Variants in TPR observed in about 807,000 individuals in gnomAD.
The protein encoded by TPR is translocated promoter region, nuclear basket protein, also known as nucleoprotein TPR.
A neutral mutation model predicts 316.1 loss-of-function variants in TPR; 51 were observed. The observed-to-expected ratio is 0.16, with a 90% CI of 0.13 to 0.20. The LOEUF (loss-of-function observed/expected upper bound fraction) is 0.20, where lower values mean the gene tolerates loss of function less well. Ranked by LOEUF, TPR falls within the 10% of genes least tolerant of loss-of-function variation. The pLI is 1.00. For missense variants in TPR, 2,272 were observed against 2,754.8 expected (o/e 0.82, Z 3.92); for synonymous variants, 981 against 914.7 (o/e 1.07, Z -1.31).
chr1:186,363,113 T>C (rs1240062514), intron 5 of TPR, 112 bp from the exon 6 acceptor site: 4 of 1,229,808 alleles, frequency 3.3e-6, no homozygotes, highest in Non-Finnish European at 4.4e-6. Flanking sequence ...AAACAGAAAT[T>C]AAGTATTTGC....
At chr1:186,371,776 T>C (rs1035068530) in intron 2 of TPR, among the ~76,000 whole-genome samples, 2 of 152,172 alleles carry the variant, frequency 1.3e-5, no homozygotes, top group African/African-American at 4.8e-5. Context: ...AAAATCCCCA[T>C]TAAATGTGTC....
intron 3 of TPR, among the ~76,000 whole-genome samples, chr1:186,368,315 T>G (rs903798041): frequency 1.3e-5 from 2 of 152,176 alleles, no homozygotes; most frequent in Non-Finnish European, 2.9e-5. Flanking sequence ...CTTAAAACTT[T>G]TAATATATTT....
intron 35 of TPR, 114 bp from the exon 36 acceptor site, chr1:186,334,647 T>G: frequency 1.8e-6 from 2 of 1,098,516 alleles, no homozygotes; most frequent in Non-Finnish European, 2.6e-6. Flanking sequence ...TTCAGAGCCT[T>G]ATTAAAGCTG....
intron 31 of TPR, 107 bp from the exon 32 acceptor site, chr1:186,337,263 C>G (rs1658367465): frequency 7.4e-7 from 1 of 1,344,570 alleles, no homozygotes; most frequent in African/African-American, 1.5e-5. Flanking sequence ...AAATTTTATC[C>G]CTGAAGGTAT....
chr1:186,346,169 T>C lies in TPR; in HGVS notation c.3062A>G (p.Asp1021Gly). The change falls in exon 23 of 51, where the codon GAT (aspartate) becomes GGT (glycine). Residue 1021 changes from aspartate (D) to glycine (G), a missense_variant. This residue lies in a region of TPR where 757 missense variants were observed against 859.8 expected (regional missense o/e 0.88). Coordinates refer to ENST00000367478, the MANE Select transcript of TPR (RefSeq NM_003292.3). ...VEKEKQELQD[D>G]KRRAIESMEQ... is the part of the protein sequence containing the mutation. ...CATGCTCTCTATGGCTCTTCTTTTA[T>C]CATCCTGAAGTTCTTGTTTTTCCTT... 1 of 1,613,058 alleles carries C rather than the reference T, an allele frequency of 6.2e-7. No individual in the cohort carries two copies. Among genetic ancestry groups the C allele is most frequent in the South Asian group, 1.1e-5 (1 of 91,008 alleles).
Position 186,362,964 on chromosome 1 carries a change from A to T in TPR, c.569T>A (p.Leu190Gln). The change falls in exon 6 of 51, where the codon CTA (leucine) becomes CAA (glutamine). Residue 190 changes from leucine (L) to glutamine (Q), a missense_variant. This residue lies in a region of TPR where 549 missense variants were observed against 598.6 expected (regional missense o/e 0.92). Transcript: ENST00000367478. ...EKRLEQEKEL[L>Q]HSQNTWLNTE... ...ATTCAGCCATGTATTCTGACTATGTAGCAATTCCTTTTCTTGCTCCAAGCG... is the reference window on the plus strand; with the variant it reads ...ATTCAGCCATGTATTCTGACTATGTTGCAATTCCTTTTCTTGCTCCAAGCG... 2 of 1,606,442 alleles carry T rather than the reference A, an allele frequency of 1.2e-6. No homozygotes were observed. Among genetic ancestry groups the T allele is most frequent in the Non-Finnish European group, 1.7e-6 (2 of 1,178,108 alleles).
chr1:186,323,479 A>G (rs1350722355), intron 43 of TPR, among the ~76,000 whole-genome samples: 2 of 152,184 alleles, frequency 1.3e-5, no homozygotes, highest in Non-Finnish European at 2.9e-5. Flanking sequence ...TGTATGCACA[A>G]CTTTTAGTAA....
intron 49 of TPR, 52 bp downstream of exon 49, chr1:186,317,430 C>G: frequency 7.1e-7 from 1 of 1,402,450 alleles, no homozygotes; most frequent in Non-Finnish European, 1.0e-6. Context: ...AGTGTTTTCA[C>G]AAACAAGTTT....
At chr1:186,353,560 A>C (rs1465532107) in intron 18 of TPR, 128 bp downstream of exon 18, 3 of 992,490 alleles carry the variant, frequency 3.0e-6, no homozygotes, top group African/African-American at 1.6e-5. Flanking sequence ...CTATGTATTA[A>C]TTACTTGGTG....
At position 186,324,821 on chromosome 1, in the gene TPR, AAGGG is replaced by A. The variant is rs986738070; in HGVS notation, c.6112+939_6112+942del. Among the ~76,000 whole-genome samples the A allele has an allele frequency of 7.9e-5, 12 of 151,148 alleles. No individual in the cohort carries two copies. The East Asian group carries it at 9.8e-4, about 12-fold the overall frequency. On this transcript the variant is annotated intron_variant, in intron 42 of 50. Coordinates refer to ENST00000367478, the MANE Select transcript of TPR (RefSeq NM_003292.3). ...AAATAGGAAAAAGAAGGAAGGAAGG[AAGGG>A]AGGGAGGGAGGGAGACCTAGAGGAG...
intron 2 of TPR, among the ~76,000 whole-genome samples, chr1:186,371,880 T>C (rs995035099): frequency 6.6e-6 from 1 of 152,152 alleles, no homozygotes; most frequent in Non-Finnish European, 1.5e-5. Flanking sequence ...ACACATTAAC[T>C]GTATACCACA....
At chr1:186,333,039 C>A in intron 37 of TPR, 83 bp downstream of exon 37, 4 of 1,472,504 alleles carry the variant, frequency 2.7e-6, no homozygotes, top group Non-Finnish European at 3.6e-6. Flanking sequence ...ACAAAGAATA[C>A]TCAAGATATA....
rs1338843188 is a variant in TPR at position 186,327,709 on chromosome 1, C to A, written c.5689-49G>T. On this transcript the variant is annotated intron_variant, in intron 39 of 50. Coordinates refer to ENST00000367478, the MANE Select transcript of TPR (RefSeq NM_003292.3). ...AAGAATTAAGAGCCCTATAAACATA[C>A]CTAAAACTATATGTGAGGTATTATT... 4.7e-6 allele frequency: 7 copies of A among 1,500,318 alleles called. No homozygotes were observed. In the Admixed American group the frequency reaches 7.1e-5, roughly 15 times the overall value. 92.9% of individuals were successfully genotyped at this position (1,500,318 alleles called of 1,614,324 possible).
chr1:186,348,019 A>G (rs529410962), intron 21 of TPR, among the ~76,000 whole-genome samples: 3 of 152,330 alleles, frequency 2.0e-5, no homozygotes, highest in East Asian at 3.9e-4. Context: ...GTGTATTTGA[A>G]CAATATGAAA....
chr1:186,365,102 CTT>C (rs61369492), intron 4 of TPR, among the ~76,000 whole-genome samples: 3 of 137,164 alleles, frequency 2.2e-5, no homozygotes, highest in Non-Finnish European at 1.6e-5. Flanking sequence ...AGGGGCTGCC[CTT>C]TTTTTTTTTT....
At chr1:186,332,422 C>T in intron 37 of TPR, 79 bp from the exon 38 acceptor site, 2 of 1,462,956 alleles carry the variant, frequency 1.4e-6, no homozygotes, top group South Asian at 1.2e-5. Context: ...AATATGGTCA[C>T]TTAACTAAAG....
intron 46 of TPR, among the ~76,000 whole-genome samples, chr1:186,319,866 ATTTTTTG>A (rs902391844): frequency 1.3e-5 from 2 of 152,160 alleles, no homozygotes; most frequent in African/African-American, 4.8e-5. Flanking sequence ...TTGATCTTTT[ATTTTTTG>A]TTTTTTTAAG....
At chr1:186,341,726 T>C (rs1030562955) in intron 27 of TPR, 40 of 189,920 alleles carry the variant, frequency 2.1e-4, no homozygotes, top group Admixed American at 2.9e-4. Context: ...TAAAATGTTA[T>C]TCTAATCCTC....
At position 186,323,832 on chromosome 1, in the gene TPR, G is replaced by C. The variant is rs370534908; in HGVS notation, c.6151C>G (p.Gln2051Glu). The C allele has an allele frequency of 9.7e-5, 150 of 1,549,640 alleles. No individual in the cohort carries two copies. The highest frequency in any genetic ancestry group is 1.2e-4 in the Non-Finnish European group (143 of 1,157,300). The change falls in exon 43 of 51, where the codon CAG (glutamine) becomes GAG (glutamate). Residue 2051 changes from glutamine to glutamate, a missense_variant. Coordinates refer to ENST00000367478, the MANE Select transcript of TPR (RefSeq NM_003292.3). Reference protein sequence around the residue: ...NTGAAESSFSQEVSREQQPSS... With the variant: ...NTGAAESSFSEEVSREQQPSS... ...GGCTGTTGTTCTCTAGAAACCTCCT[G>C]AGAAAAAGAAGATTCTGCAGCACCT... is the stretch of plus-strand genomic sequence containing the variant.
Sources: allele counts gnomAD v4.1 joint callset (sites outside exome capture counted in the v4.1 genomes callset), GRCh38; gene constraint gnomAD v4.1.1; regional missense constraint gnomAD v4.1.1; transcripts MANE v1.5; gene names NCBI Gene and HGNC (gene_info 2026-07-23, HGNC 2026-07-21).